KHDRBS2: variants seen among roughly 807,000 people sequenced by gnomAD.
KHDRBS2 encodes KH domain-containing, RNA-binding, signal transduction-associated protein 2.
In KHDRBS2, 26 loss-of-function variants were observed where a neutral mutation model predicts 44.3. The ratio of observed to expected loss-of-function variants is 0.59; its 90% CI spans 0.43 to 0.81. KHDRBS2 has a LOEUF of 0.81. Among genes scored for constraint, KHDRBS2 ranks in the 40% least tolerant of loss-of-function variants. The pLI is 0.00. For synonymous variants in KHDRBS2, 194 were observed against 151.1 expected, an observed-to-expected ratio of 1.28 and a Z score of -2.08; for missense variants, 476 against 433.1, an observed-to-expected ratio of 1.10 and a Z score of -0.88.
chr6:61,850,895 C>G (rs371126860), intron 6 of KHDRBS2, among the ~76,000 whole-genome samples: 15 of 152,186 alleles, frequency 9.9e-5, no homozygotes, highest in African/African-American at 3.4e-4. Flanking sequence ...GTCACTACAA[C>G]CAAAGGGATT....
intron 2 of KHDRBS2, among the ~76,000 whole-genome samples, chr6:62,067,958 TG>T (rs1584486903): frequency 6.6e-6 from 1 of 151,714 alleles, no homozygotes; most frequent in East Asian, 2.0e-4. Flanking sequence ...AGCGGACACT[TG>T]AGTTGTGTCC....
chr6:62,205,395 G>A (rs1251761828), intron 1 of KHDRBS2, among the ~76,000 whole-genome samples: 1 of 152,094 alleles, frequency 6.6e-6, no homozygotes, highest in African/African-American at 2.4e-5. Context: ...GCCTTACTCA[G>A]CCACCATATC....
intron 1 of KHDRBS2, among the ~76,000 whole-genome samples, chr6:62,248,600 C>A (rs1836013114): frequency 6.6e-6 from 1 of 152,056 alleles, no homozygotes; most frequent in South Asian, 2.1e-4. Context: ...CTCAAGTAAT[C>A]TCTTGCCTCA....
rs115420060 is a variant in KHDRBS2 at position 62,009,929 on chromosome 6, C to T, written c.337-31717G>A. 3.3e-3 allele frequency among the ~76,000 whole-genome samples: 499 copies of T among 152,232 alleles called. 2 individuals are homozygous for T. The highest frequency in any genetic ancestry group is 7.9e-3 in the Admixed American group (121 of 15,286). On this transcript the variant is annotated intron_variant, in intron 3 of 8. Coordinates refer to ENST00000281156, the MANE Select transcript of KHDRBS2 (RefSeq NM_152688.4). ...CTGCTAGGGCACTGCAGAAGGGAAG[C>T]GTGGGGTTGGAGCCCCCATACAGAG...
intron 3 of KHDRBS2, among the ~76,000 whole-genome samples, chr6:61,993,481 A>C (rs1277626228): frequency 6.6e-6 from 1 of 151,598 alleles, no homozygotes; most frequent in Non-Finnish European, 1.5e-5. Context: ...TAGAGTCTGC[A>C]AAGTTTTAAT....
chr6:62,105,293 G>A (rs999884128), intron 2 of KHDRBS2, among the ~76,000 whole-genome samples: 5 of 152,146 alleles, frequency 3.3e-5, no homozygotes, highest in Non-Finnish European at 2.9e-5. Context: ...CATTACTCTG[G>A]TATCACAAAC....
chr6:61,896,971 T>C (rs1038435276), intron 5 of KHDRBS2, among the ~76,000 whole-genome samples: 3 of 152,212 alleles, frequency 2.0e-5, no homozygotes, highest in Non-Finnish European at 2.9e-5. Flanking sequence ...TTCGTTATCC[T>C]CCTTCACTGG....
chr6:62,178,877 G>T (rs984266522), intron 1 of KHDRBS2, among the ~76,000 whole-genome samples: 1 of 151,270 alleles, frequency 6.6e-6, no homozygotes, highest in Non-Finnish European at 1.5e-5. Flanking sequence ...TTGTTATTTT[G>T]GAGTAGAGAA....
At chr6:62,173,413 A>C (rs760896510) in intron 2 of KHDRBS2, among the ~76,000 whole-genome samples, 4 of 152,080 alleles carry the variant, frequency 2.6e-5, no homozygotes, top group Non-Finnish European at 5.9e-5. Flanking sequence ...TAAACAGACC[A>C]ATAATGAGTT....
intron 3 of KHDRBS2, among the ~76,000 whole-genome samples, chr6:61,992,803 C>T (rs1286401129): frequency 6.6e-6 from 1 of 152,184 alleles, no homozygotes; most frequent in East Asian, 1.9e-4. Context: ...ATGAAGGACA[C>T]AGAAATTTGA....
chr6:62,177,145 C>A (rs1220118365), intron 2 of KHDRBS2, 40 bp downstream of exon 2: 2 of 1,187,320 alleles, frequency 1.7e-6, no homozygotes, highest in Non-Finnish European at 1.2e-6. Flanking sequence ...TTTATCATTT[C>A]TAAATCAATT....
chr6:61,893,425 T>A (rs1802353463), intron 6 of KHDRBS2, among the ~76,000 whole-genome samples: 1 of 152,212 alleles, frequency 6.6e-6, no homozygotes, highest in Admixed American at 6.5e-5. Context: ...TTATAAAGTA[T>A]GCTGCTATAA....
At chr6:61,900,503 G>C (rs1184517328) in intron 5 of KHDRBS2, among the ~76,000 whole-genome samples, 1 of 152,030 alleles carries the variant, frequency 6.6e-6, no homozygotes, top group Non-Finnish European at 1.5e-5. Context: ...TCAAACCAAT[G>C]CCTTCTATTA....
At chr6:62,175,617 G>C (rs1313147737) in intron 2 of KHDRBS2, among the ~76,000 whole-genome samples, 1 of 151,552 alleles carries the variant, frequency 6.6e-6, no homozygotes, top group Non-Finnish European at 1.5e-5. Context: ...AGCATTCCAT[G>C]ATTTTAAAAA....
chr6:61,825,460 T>C (rs1456821341), intron 6 of KHDRBS2, among the ~76,000 whole-genome samples: 3 of 152,166 alleles, frequency 2.0e-5, no homozygotes, highest in African/African-American at 4.8e-5. Context: ...CGCCAACCTA[T>C]GTGTACTTAC....
chr6:61,672,764 A>T, the KHDRBS2 span, among the ~76,000 whole-genome samples: 5 of 146,940 alleles, frequency 3.4e-5, no homozygotes, highest in Admixed American at 3.4e-4. Context: ...TCAGATGAGT[A>T]GGTTGCGAAA....
chr6:61,761,059 C>T (rs1207002579), intron 6 of KHDRBS2, among the ~76,000 whole-genome samples: 2 of 152,180 alleles, frequency 1.3e-5, no homozygotes, highest in East Asian at 3.9e-4. Context: ...CGAATATCTT[C>T]CCCAGCTACA....
At position 62,013,959 on chromosome 6, in the gene KHDRBS2, G is replaced by A. The variant is rs72884469; in HGVS notation, c.336+33919C>T. Among the ~76,000 whole-genome samples the A allele has an allele frequency of 3.9e-3, 597 of 152,294 alleles. 2 individuals carry two copies. Among genetic ancestry groups the A allele is most frequent in the Non-Finnish European group, 6.9e-3 (467 of 68,010 alleles). On this transcript the variant is annotated intron_variant, in intron 3 of 8. Transcript: ENST00000281156. Reference sequence around the variant, plus strand: ...TCCCTGCTCCACAGTTCTGTACCATGTTCGTTTCCTAGGTTACAAAGCAGT... The same window carrying A: ...TCCCTGCTCCACAGTTCTGTACCATATTCGTTTCCTAGGTTACAAAGCAGT...
chr6:62,083,936 T>C (rs1169318781), intron 2 of KHDRBS2, among the ~76,000 whole-genome samples: 2 of 152,192 alleles, frequency 1.3e-5, no homozygotes, highest in African/African-American at 2.4e-5. Flanking sequence ...ATGGATACCA[T>C]CAAGAAGGAT....
Sources: gnomAD v4.1 joint callset for allele counts (sites outside exome capture counted in the v4.1 genomes callset) on GRCh38, gnomAD v4.1.1 for gene constraint, MANE v1.5 for transcripts, NCBI Gene and HGNC (gene_info 2026-07-23, HGNC 2026-07-21) for gene names.